Variants in TMEM135 observed in about 807,000 individuals in gnomAD.
TMEM135 encodes transmembrane protein 135, also known as peroxisomal membrane protein 52.
TMEM135 carries 30 observed loss-of-function variants against 60.3 expected under a neutral mutation model. The observed-to-expected ratio is 0.50, with a 90% CI of 0.37 to 0.68. The LOEUF (loss-of-function observed/expected upper bound fraction) is 0.68. Among genes scored for constraint, TMEM135 ranks in the 30% least tolerant of loss-of-function variants. The pLI is 0.00. For synonymous variants in TMEM135, 190 were observed against 186.7 expected (o/e 1.02, Z -0.14); for missense variants, 468 against 548.8 (o/e 0.85, Z 1.47).
chr11:87,234,734 A>G (rs1233946094), intron 5 of TMEM135, among the ~76,000 whole-genome samples: 2 of 152,088 alleles, frequency 1.3e-5, no homozygotes, highest in Non-Finnish European at 2.9e-5. Flanking sequence ...ACCCAGAACT[A>G]AGATTCAAAC....
At chr11:87,158,588 A>G (rs922158105) in intron 5 of TMEM135, among the ~76,000 whole-genome samples, 1 of 151,304 alleles carries the variant, frequency 6.6e-6, no homozygotes, top group Non-Finnish European at 1.5e-5. Flanking sequence ...CAGCCTCCCA[A>G]GTAGCTGGGA....
chr11:87,139,339 A>G (rs1026373409), intron 4 of TMEM135, among the ~76,000 whole-genome samples: 1 of 152,170 alleles, frequency 6.6e-6, no homozygotes, highest in African/African-American at 2.4e-5. Context: ...TTAAGTTTAC[A>G]GTTTGATGAG....
At chr11:87,266,002 T>G (rs922941556) in intron 6 of TMEM135, among the ~76,000 whole-genome samples, 1 of 152,170 alleles carries the variant, frequency 6.6e-6, no homozygotes, top group Non-Finnish European at 1.5e-5. Context: ...CCTTTCTGTT[T>G]TTGAACAAAG....
At chr11:87,224,519 G>T (rs1166467758) in intron 5 of TMEM135, among the ~76,000 whole-genome samples, 1 of 151,980 alleles carries the variant, frequency 6.6e-6, no homozygotes, top group Non-Finnish European at 1.5e-5. Flanking sequence ...TGTCTCAGGA[G>T]GAAAAACATA....
intron 7 of TMEM135, among the ~76,000 whole-genome samples, chr11:87,298,232 G>A (rs899305131): frequency 1.3e-5 from 2 of 152,054 alleles, no homozygotes; most frequent in Non-Finnish European, 2.9e-5. Context: ...AATTTAATAT[G>A]AGCTCCTGAC....
In TMEM135 at chr11:87,327,153, G is replaced by A. The variant is rs1433022603; in HGVS notation, c.*5820G>A. Reference sequence around the variant, plus strand: ...TTCCAACCAGCCTTTACTCGGAGGTGTTCATGTGACCCTGTTTTGGCCAAT... The same window carrying A: ...TTCCAACCAGCCTTTACTCGGAGGTATTCATGTGACCCTGTTTTGGCCAAT... On this transcript the variant is annotated 3_prime_UTR_variant, in exon 15 of 15. Coordinates refer to ENST00000305494, the MANE Select transcript of TMEM135 (RefSeq NM_022918.4). 4.4e-6 allele frequency: 2 copies of A among 453,968 alleles called. No homozygotes were observed. Among genetic ancestry groups the A allele is most frequent in the Admixed American group, 4.7e-5 (2 of 42,556 alleles). 28.1% of individuals were successfully genotyped at this position (453,968 alleles called of 1,614,324 possible).
At chr11:87,299,068 A>G (rs1340963703) in intron 7 of TMEM135, among the ~76,000 whole-genome samples, 3 of 152,188 alleles carry the variant, frequency 2.0e-5, no homozygotes, top group South Asian at 2.1e-4. Context: ...AGCCTGGGCA[A>G]TAAGAGCAAA....
chr11:87,246,356 C>T (rs1435244303), intron 6 of TMEM135, among the ~76,000 whole-genome samples: 1 of 150,864 alleles, frequency 6.6e-6, no homozygotes. Context: ...CGAGGAGTAT[C>T]TTTGTGGCAT....
At chr11:87,303,601 A>G (rs979837852) in intron 8 of TMEM135, among the ~76,000 whole-genome samples, 9 of 152,248 alleles carry the variant, frequency 5.9e-5, no homozygotes, top group Non-Finnish European at 2.9e-5. Context: ...ATTAAATGAG[A>G]TAACATTTAT....
chr11:87,230,128 T>G (rs301579), intron 5 of TMEM135, among the ~76,000 whole-genome samples: 55,862 of 151,856 alleles, frequency 0.37, 12,426 homozygotes, highest in Non-Finnish European at 0.51. Flanking sequence ...CCATCACCCC[T>G]TACTCCTCCA....
chr11:87,261,762 C>T (rs186332776), intron 6 of TMEM135, among the ~76,000 whole-genome samples: 16 of 152,118 alleles, frequency 1.1e-4, no homozygotes, highest in South Asian at 2.1e-4. Flanking sequence ...GCTGGGACCA[C>T]ATGTGTGCAC....
At chr11:87,075,487 C>T (rs538935051) in intron 3 of TMEM135, among the ~76,000 whole-genome samples, 2 of 152,284 alleles carry the variant, frequency 1.3e-5, no homozygotes, top group South Asian at 4.1e-4. Flanking sequence ...TAGCTGAGGT[C>T]TCACTGTGTA....
At chr11:87,053,964 A>G (rs1018998600) in intron 1 of TMEM135, among the ~76,000 whole-genome samples, 15 of 152,324 alleles carry the variant, frequency 9.8e-5, no homozygotes, top group Admixed American at 3.9e-4. Context: ...TACTAGGAAT[A>G]TAGTTAATAA....
At chr11:87,302,176 A>G in intron 7 of TMEM135, 120 bp from the exon 8 acceptor site, 1 of 1,056,090 alleles carries the variant, frequency 9.5e-7, no homozygotes, top group Middle Eastern at 2.4e-4. Flanking sequence ...AATTGTGAAA[A>G]TACTATCTCA....
In TMEM135 at chr11:87,223,228, G is replaced by A. The variant is rs1011062822; in HGVS notation, c.463-13410G>A. On this transcript the variant is annotated intron_variant, in intron 5 of 14. Transcript: ENST00000305494. ...CGCCCAGGCTGGAGCGCAGTGGCGC[G>A]ATCTCGGCTCACTGCAAGCTCTGCC... Among the ~76,000 whole-genome samples, 3 of 149,400 alleles carry A rather than the reference G, an allele frequency of 2.0e-5. No individual in the cohort carries two copies. The Admixed American group carries it at 2.0e-4, about 10-fold the overall frequency.
chr11:87,094,585 A>C (rs537308133), intron 4 of TMEM135: 1 of 152,588 alleles, frequency 6.6e-6, no homozygotes, highest in South Asian at 2.1e-4. Context: ...ATGGGCCTGT[A>C]GTTCCAGCTA....
intron 4 of TMEM135, among the ~76,000 whole-genome samples, chr11:87,101,583 A>G (rs190996493): frequency 6.6e-6 from 1 of 152,360 alleles, no homozygotes; most frequent in African/African-American, 2.4e-5. Flanking sequence ...CATGTAATGT[A>G]TGTTAGCAAT....
intron 4 of TMEM135, among the ~76,000 whole-genome samples, chr11:87,112,409 C>T (rs1288880644): frequency 1.3e-5 from 2 of 152,082 alleles, no homozygotes; most frequent in African/African-American, 4.8e-5. Flanking sequence ...CTCTGGTCAT[C>T]AACCGTATTT....
intron 5 of TMEM135, among the ~76,000 whole-genome samples, chr11:87,226,696 A>G (rs1940771871): frequency 6.6e-6 from 1 of 152,196 alleles, no homozygotes; most frequent in East Asian, 1.9e-4. Context: ...TACAAATGGA[A>G]TATTTAAAGG....
Sources: gnomAD v4.1 joint callset for allele counts (sites outside exome capture counted in the v4.1 genomes callset) on GRCh38, gnomAD v4.1.1 for gene constraint, MANE v1.5 for transcripts, NCBI Gene and HGNC (gene_info 2026-07-23, HGNC 2026-07-21) for gene names.